MYPN: variants seen among roughly 807,000 people sequenced by gnomAD.
MYPN encodes myopalladin, also known as sarcomeric protein myopalladin, 145 kDa (MYOP).
A neutral mutation model predicts 129.4 loss-of-function variants in MYPN; 63 were observed. That is an observed-to-expected ratio of 0.49 (90% CI 0.40 to 0.60). The LOEUF is 0.60. Among genes scored for constraint, MYPN ranks in the 20% least tolerant of loss-of-function variants. The pLI, the probability that MYPN is intolerant of heterozygous loss-of-function variation, is 0.00. For missense variants in MYPN, 1,596 were observed against 1,635.4 expected (o/e 0.98, Z 0.42); for synonymous variants, 629 against 600.9 (o/e 1.05, Z -0.68).
In MYPN at chr10:68,114,427, C is replaced by T. The variant is rs184011595; in HGVS notation, c.-2+4704C>T. On this transcript the variant is annotated intron_variant, in intron 1 of 19. Transcript: ENST00000358913. ...GCAGTGGCACAATCTCGGCTCACTG[C>T]AACTTTTGCCTCCTAGGTTCAAGCG... 2.0e-5 allele frequency: 3 copies of T among 150,758 alleles called. No homozygotes were observed. In the East Asian group the frequency reaches 5.9e-4, roughly 30 times the overall value. The allele number at this position is 150,758 out of a possible 1,614,324, so 9.3% of individuals were successfully genotyped here.
chr10:68,208,983 C>T (rs115765462), intron 19 of MYPN, among the ~76,000 whole-genome samples: 443 of 152,234 alleles, frequency 2.9e-3, no homozygotes, highest in African/African-American at 0.01. Context: ...TTAGTGAAAC[C>T]GCTCTAGGTT....
upstream of MYPN, among the ~76,000 whole-genome samples, chr10:68,103,368 G>A (rs2041991105): frequency 6.6e-6 from 1 of 152,142 alleles, no homozygotes; most frequent in African/African-American, 2.4e-5. Flanking sequence ...GTGTGTATTA[G>A]CCGTTGCTAT....
chr10:68,158,654 T>C, intron 7 of MYPN, 27 bp downstream of exon 7: 1 of 1,497,128 alleles, frequency 6.7e-7, no homozygotes, highest in Non-Finnish European at 9.2e-7. Context: ...AATTATTTTC[T>C]GATATTTTGT....
At chr10:68,210,012 A>G (rs1350219105) in intron 19 of MYPN, among the ~76,000 whole-genome samples, 1 of 152,120 alleles carries the variant, frequency 6.6e-6, no homozygotes. Context: ...AGGAATTCTA[A>G]TCTCTCACTT....
Position 68,143,162 on chromosome 10 carries a change from T to C in MYPN, c.1078+47T>C, listed in dbSNP as rs28429181. The C allele has an allele frequency of 0.059, 91,982 of 1,551,958 alleles. 5,963 individuals carry two copies. The highest frequency in any genetic ancestry group is 0.34 in the African/African-American group (24,719 of 73,502). The stretch of plus-strand genomic sequence containing the variant: ...GTATGACACTTAATAGTAAGACATT[T>C]AGTTATAATAAATAAATATTTATTG... On this transcript the variant is annotated intron_variant, in intron 3 of 19. Coordinates refer to ENST00000358913, the MANE Select transcript of MYPN (RefSeq NM_032578.4).
At chr10:68,144,539 A>T (rs2042630455) in intron 3 of MYPN, among the ~76,000 whole-genome samples, 1 of 152,202 alleles carries the variant, frequency 6.6e-6, no homozygotes, top group Non-Finnish European at 1.5e-5. Flanking sequence ...AGTCCAATAA[A>T]TGCCTCCAGA....
chr10:68,134,277 T>A (rs140061735), intron 2 of MYPN, among the ~76,000 whole-genome samples: 130 of 152,260 alleles, frequency 8.5e-4, no homozygotes, highest in African/African-American at 3.0e-3. Flanking sequence ...TATTACATTC[T>A]AGATGAGGTG....
At chr10:68,093,220 C>T (rs1319328302) in intron 1 of MYPN, among the ~76,000 whole-genome samples, 3 of 152,070 alleles carry the variant, frequency 2.0e-5, no homozygotes, top group Non-Finnish European at 4.4e-5. Context: ...GGCCTCATCC[C>T]AACCTTGAAA....
chr10:68,096,048 G>A (rs2041955035), intron 1 of MYPN, among the ~76,000 whole-genome samples: 1 of 152,096 alleles, frequency 6.6e-6, no homozygotes, highest in African/African-American at 2.4e-5. Context: ...TGCTAAGATA[G>A]TTCATTATTA....
Position 68,201,962 on chromosome 10 carries a change from T to C in MYPN, c.3627T>C (p.Asn1209=). 6.2e-7 allele frequency: 1 copy of C among 1,613,890 alleles called. No homozygotes were observed. Among genetic ancestry groups the C allele is most frequent in the Non-Finnish European group, 8.5e-7 (1 of 1,179,948 alleles). The change falls in exon 18 of 20, where the codon AAT becomes AAC. Residue 1209 remains asparagine, a synonymous_variant. Transcript: ENST00000358913. ...CTGTGTTCTACTGGAAGAAAGACAA[T>C]GAGACCATCCCTTGCACCAGAGAGA... ...PPPVFYWKKD[N]ETIPCTRERI...
chr10:68,142,796 A>G lies in MYPN; in HGVS notation c.903-144A>G, dbSNP rs1003991388. 40 of 823,990 alleles carry G rather than the reference A, an allele frequency of 4.9e-5. No homozygotes were observed. In the South Asian group the frequency reaches 5.0e-4, roughly 10 times the overall value. The allele number at this position is 823,990 out of a possible 1,614,324, so 51.0% of individuals were successfully genotyped here. Reference sequence around the variant, plus strand: ...TACTGCCAACTCTTCTCACTGTTACAAAAAAATAATGTTATAATGATGGAG... The same window carrying G: ...TACTGCCAACTCTTCTCACTGTTACGAAAAAATAATGTTATAATGATGGAG... On this transcript the variant is annotated intron_variant, in intron 2 of 19. Transcript: ENST00000358913.
upstream of MYPN, among the ~76,000 whole-genome samples, chr10:68,103,904 C>T (rs773600732): frequency 3.9e-5 from 6 of 152,132 alleles, no homozygotes; most frequent in South Asian, 2.1e-4. Context: ...GAGCTGAGAC[C>T]GCACCATTGC....
chr10:68,153,113 A>G (rs942451057), intron 6 of MYPN, among the ~76,000 whole-genome samples: 1 of 149,738 alleles, frequency 6.7e-6, no homozygotes, highest in Non-Finnish European at 1.5e-5. Flanking sequence ...AGCCTCCCAA[A>G]TAGCTGGGAC....
In MYPN at chr10:68,147,955, G is replaced by A. The variant is rs150804724; in HGVS notation, c.1131-398G>A. On this transcript the variant is annotated intron_variant, in intron 4 of 19. Coordinates refer to ENST00000358913, the MANE Select transcript of MYPN (RefSeq NM_032578.4). ...TGAGAGACCCTGTCTTGGATCAGAGGTATAGATTTAAAAAGCCTGGCCTCT... is the reference window on the plus strand; with the variant it reads ...TGAGAGACCCTGTCTTGGATCAGAGATATAGATTTAAAAAGCCTGGCCTCT... Among the ~76,000 whole-genome samples, 1,147 of 152,254 alleles carry A rather than the reference G, an allele frequency of 7.5e-3. 7 individuals are homozygous for A. The highest frequency in any genetic ancestry group is 0.012 in the Non-Finnish European group (816 of 68,024).
In MYPN at chr10:68,207,149, T is replaced by G. The variant is rs1439570705; in HGVS notation, c.3793+246T>G. On this transcript the variant is annotated intron_variant, in intron 19 of 19. Coordinates refer to ENST00000358913, the MANE Select transcript of MYPN (RefSeq NM_032578.4). ...GGCACACACCTGTAATCCCAGCTAC[T>G]CGGGCAGCTGAGGCAGAAGAATTGG... is the stretch of plus-strand genomic sequence containing the variant. Among the ~76,000 whole-genome samples the G allele has an allele frequency of 2.0e-5, 3 of 152,062 alleles. No homozygotes were observed. The East Asian group carries it at 5.8e-4, about 29-fold the overall frequency.
upstream of MYPN, among the ~76,000 whole-genome samples, chr10:68,105,406 T>C (rs1399202437): frequency 6.6e-6 from 1 of 152,220 alleles, no homozygotes; most frequent in Non-Finnish European, 1.5e-5. Context: ...AGTATATTTA[T>C]GTGTGTTAAT....
At position 68,143,050 on chromosome 10, in the gene MYPN, G is replaced by T; in HGVS notation, c.1013G>T (p.Arg338Leu). 1 of 1,614,106 alleles carries T rather than the reference G, an allele frequency of 6.2e-7. No individual in the cohort carries two copies. Among genetic ancestry groups the T allele is most frequent in the Non-Finnish European group, 8.5e-7 (1 of 1,180,004 alleles). ...IAEAFEEDTG[R>L]YSCFASNIYG... The stretch of plus-strand genomic sequence containing the variant: ...GAAGCCTTTGAAGAGGACACAGGAC[G>T]CTATTCCTGCTTTGCTTCTAACATC... Residue 338 changes from arginine to leucine, a missense_variant, in exon 3 of 20, where the codon CGC (arginine) becomes CTC (leucine). Arg to Leu is a moderately radical substitution (Grantham distance 102). Coordinates refer to ENST00000358913, the MANE Select transcript of MYPN (RefSeq NM_032578.4).
At chr10:68,172,226 G>A (rs946195708) in intron 10 of MYPN, among the ~76,000 whole-genome samples, 3 of 152,018 alleles carry the variant, frequency 2.0e-5, no homozygotes, top group African/African-American at 7.3e-5. Flanking sequence ...GTGGAGGCAC[G>A]CACCTGTGGT....
intron 8 of MYPN, among the ~76,000 whole-genome samples, chr10:68,164,686 C>A (rs1289963622): frequency 6.6e-6 from 1 of 152,154 alleles, no homozygotes; most frequent in Non-Finnish European, 1.5e-5. Context: ...TATTAGCTGT[C>A]AAGGAATATC....
Sources: allele counts gnomAD v4.1 joint callset (sites outside exome capture counted in the v4.1 genomes callset), GRCh38; gene constraint gnomAD v4.1.1; transcripts MANE v1.5; gene names NCBI Gene and HGNC (gene_info 2026-07-23, HGNC 2026-07-21).